HNF4A: variants seen among roughly 807,000 people sequenced by gnomAD.
The protein encoded by HNF4A is hepatocyte nuclear factor 4-alpha.
In HNF4A, 15 loss-of-function variants were observed where a neutral mutation model predicts 52.4. That is an observed-to-expected ratio of 0.29 (90% confidence interval 0.19 to 0.44). The LOEUF (loss-of-function observed/expected upper bound fraction) is 0.44, where lower values mean the gene tolerates loss of function less well. Among genes scored for constraint, HNF4A ranks in the 20% least tolerant of loss-of-function variants. HNF4A has a pLI of 1.00. For synonymous variants in HNF4A, 280 were observed against 264.4 expected (o/e 1.06, Z -0.57); for missense variants, 479 against 647.2 (o/e 0.74, Z 2.82).
At chr20:44,410,231 T>C (rs1460619158) in intron 3 of HNF4A, among the ~76,000 whole-genome samples, 1 of 152,180 alleles carries the variant, frequency 6.6e-6, no homozygotes, top group African/African-American at 2.4e-5. Flanking sequence ...AGCTCAGCCT[T>C]GAAAATAGCT....
intron 3 of HNF4A, among the ~76,000 whole-genome samples, chr20:44,412,819 G>A (rs546427827): frequency 3.8e-4 from 58 of 152,292 alleles, no homozygotes; most frequent in African/African-American, 1.1e-3. Context: ...ACGAGAAAGA[G>A]TGCAGGGAGC....
At chr20:44,400,931 C>A (rs2063398871), upstream of HNF4A, among the ~76,000 whole-genome samples, 1 of 151,862 alleles carries the variant, frequency 6.6e-6, no homozygotes, top group Non-Finnish European at 1.5e-5. Flanking sequence ...GCTGTCAGTG[C>A]CTGATAGTAT....
intron 1 of HNF4A, among the ~76,000 whole-genome samples, chr20:44,386,445 G>A (rs1194845592): frequency 1.3e-5 from 2 of 152,190 alleles, no homozygotes; most frequent in African/African-American, 4.8e-5. Flanking sequence ...GGGATTACAG[G>A]TGTAAGCCAC....
At chr20:44,384,159 CTTTTT>C (rs371586705) in intron 1 of HNF4A, among the ~76,000 whole-genome samples, 6 of 125,544 alleles carry the variant, frequency 4.8e-5, no homozygotes, top group Non-Finnish European at 8.2e-5. Flanking sequence ...CCCCTGGCTC[CTTTTT>C]TTTTTTTTTT....
intron 1 of HNF4A, chr20:44,390,432 T>C (rs936540789): frequency 1.6e-5 from 9 of 558,508 alleles, no homozygotes; most frequent in Admixed American, 9.8e-5. Context: ...GCCCTGGGGC[T>C]AATTCCTTGC....
At position 44,362,843 on chromosome 20, in the gene HNF4A, CT is replaced by C. The variant is rs773479711; in HGVS notation, c.49+7006del. 8.1e-3 allele frequency among the ~76,000 whole-genome samples: 1,083 copies of C among 134,442 alleles called. 15 individuals carry two copies. The highest frequency in any genetic ancestry group is 0.024 in the African/African-American group (901 of 37,582). The allele number at this position is 134,442 out of a possible 152,430, so 88.2% of individuals were successfully genotyped here. On this transcript the variant is annotated intron_variant, in intron 1 of 9. Transcript: ENST00000316673. ...GACCTTGAGTGAATGACTCAATTCT[CT>C]TTTTTTTTTTTTTTTGAGACGGAGT...
In HNF4A at chr20:44,428,370, C is replaced by T; in HGVS notation, c.1165C>T (p.Leu389=). 2 of 1,614,166 alleles carry T rather than the reference C, an allele frequency of 1.2e-6. No homozygotes were observed. The highest frequency in any genetic ancestry group is 1.7e-6 in the Non-Finnish European group (2 of 1,180,020). ...CGATGCACCCCATGCCCACCACCCC[C>T]TGCACCCTCACCTGATGCAGGAACA... Residue 389 remains leucine, a synonymous_variant, in exon 9 of 10, where the codon CTG becomes TTG. Transcript: ENST00000316099.
upstream of HNF4A, among the ~76,000 whole-genome samples, chr20:44,397,708 C>T (rs1049440162): frequency 1.3e-5 from 2 of 152,088 alleles, no homozygotes; most frequent in Non-Finnish European, 2.9e-5. Flanking sequence ...CAGCTTCCAC[C>T]TCCCAGGTTC....
chr20:44,373,474 T>C (rs2063054215), intron 1 of HNF4A, among the ~76,000 whole-genome samples: 1 of 152,070 alleles, frequency 6.6e-6, no homozygotes, highest in Admixed American at 6.6e-5. Context: ...ACACCCAGCC[T>C]AGTTTAATTC....
At chr20:44,402,656 G>A in intron 1 of HNF4A, 1 of 1,344,616 alleles carries the variant, frequency 7.4e-7, no homozygotes, top group Non-Finnish European at 9.9e-7. Flanking sequence ...TAGGGGAAAA[G>A]AGGAGGCCCG....
At chr20:44,423,875 G>A (rs2063780944) in intron 7 of HNF4A, 143 bp from the exon 8 acceptor site, 10 of 722,962 alleles carry the variant, frequency 1.4e-5, no homozygotes, top group Admixed American at 2.2e-5. Context: ...GGCGTACCCT[G>A]GTTGTTGAGG....
chr20:44,414,736 G>A, intron 5 of HNF4A, 74 bp downstream of exon 5: 1 of 1,417,474 alleles, frequency 7.1e-7, no homozygotes, highest in East Asian at 2.4e-5. Flanking sequence ...GCCCACCTGG[G>A]ATATAGCCGT....
At chr20:44,389,440 G>A (rs528110171) in intron 1 of HNF4A, among the ~76,000 whole-genome samples, 3 of 152,152 alleles carry the variant, frequency 2.0e-5, no homozygotes, top group Admixed American at 6.5e-5. Context: ...TTTGGGACAC[G>A]CTCATACTAA....
intron 1 of HNF4A, chr20:44,402,429 G>A: frequency 2.2e-6 from 1 of 449,782 alleles, no homozygotes; most frequent in Non-Finnish European, 4.2e-6. Flanking sequence ...GCAGTTCCCT[G>A]TGCTGCGGGC....
intron 6 of HNF4A, among the ~76,000 whole-genome samples, chr20:44,419,427 G>A (rs1480871040): frequency 1.3e-5 from 2 of 152,212 alleles, no homozygotes; most frequent in Non-Finnish European, 2.9e-5. Flanking sequence ...ATGCTTTGGT[G>A]CCTATCAGGT....
At chr20:44,399,731 TTCAC>T (rs1372695332), upstream of HNF4A, among the ~76,000 whole-genome samples, 3 of 152,296 alleles carry the variant, frequency 2.0e-5, no homozygotes, top group East Asian at 1.9e-4. Context: ...CATTCGTTCA[TTCAC>T]TCACTCATTC....
chr20:44,365,419 A>G (rs1393509046), intron 1 of HNF4A, among the ~76,000 whole-genome samples: 1 of 152,004 alleles, frequency 6.6e-6, no homozygotes, highest in African/African-American at 2.4e-5. Context: ...ATCTTCCTGC[A>G]TCAGCCTCCC....
intron 1 of HNF4A, among the ~76,000 whole-genome samples, chr20:44,388,151 C>T (rs1323605556): frequency 1.3e-5 from 2 of 151,740 alleles, no homozygotes; most frequent in Admixed American, 6.6e-5. Context: ...TGCAGTGGCG[C>T]CATCGTGGCT....
At chr20:44,421,909 G>T (rs895143577) in intron 7 of HNF4A, among the ~76,000 whole-genome samples, 5 of 146,896 alleles carry the variant, frequency 3.4e-5, no homozygotes, top group East Asian at 2.0e-4. Context: ...ATTATATATA[G>T]AGAGAGTGAT....
Sources: gnomAD v4.1 joint callset for allele counts (sites outside exome capture counted in the v4.1 genomes callset) on GRCh38, gnomAD v4.1.1 for gene constraint, MANE v1.5 for transcripts, NCBI Gene and HGNC (gene_info 2026-07-23, HGNC 2026-07-21) for gene names.